Variants in SGCZ observed in about 807,000 individuals in gnomAD.
SGCZ encodes the protein zeta-sarcoglycan.
Under a neutral mutation model 41.3 loss-of-function variants are expected in SGCZ, and 40 were observed. The ratio of observed to expected loss-of-function variants is 0.97; its 90% CI spans 0.75 to 1.26. The LOEUF (loss-of-function observed/expected upper bound fraction) is 1.26. SGCZ is among the 50% of genes most tolerant of loss of function. The pLI, the probability that SGCZ is intolerant of heterozygous loss-of-function variation, is 0.00. For synonymous variants in SGCZ, 206 were observed against 137.5 expected, an observed-to-expected ratio of 1.50 and a Z score of -3.49; for missense variants, 552 against 369.8, an observed-to-expected ratio of 1.49 and a Z score of -4.04.
At chr8:14,263,336 G>A (rs1237637758) in intron 3 of SGCZ, among the ~76,000 whole-genome samples, 2 of 152,008 alleles carry the variant, frequency 1.3e-5, no homozygotes, top group Non-Finnish European at 2.9e-5. Flanking sequence ...ATCACTTGAG[G>A]CCAGGAGTTT....
At chr8:14,403,309 A>G (rs1585461033) in intron 2 of SGCZ, among the ~76,000 whole-genome samples, 1 of 150,440 alleles carries the variant, frequency 6.6e-6, no homozygotes, top group South Asian at 2.1e-4. Context: ...TGCCTGGGCC[A>G]GAACTTCCAA....
chr8:14,875,933 GTAA>G (rs1804341920), intron 1 of SGCZ, among the ~76,000 whole-genome samples: 1 of 152,092 alleles, frequency 6.6e-6, no homozygotes, highest in Non-Finnish European at 1.5e-5. Context: ...GAATAGCAGA[GTAA>G]TAAACTCTCT....
At chr8:15,207,521 T>C (rs563455690) in intron 1 of SGCZ, among the ~76,000 whole-genome samples, 2 of 152,220 alleles carry the variant, frequency 1.3e-5, no homozygotes, top group South Asian at 4.1e-4. Flanking sequence ...GGCAGAGAAG[T>C]GGAGCAGACT....
chr8:14,872,071 G>A (rs11785355), intron 1 of SGCZ, among the ~76,000 whole-genome samples: 41,527 of 151,656 alleles, frequency 0.27, 6,917 homozygotes, highest in East Asian at 0.57. Flanking sequence ...CACAGGAACA[G>A]AAAACCAAAC....
intron 1 of SGCZ, among the ~76,000 whole-genome samples, chr8:14,747,660 C>CATTATTATT (rs151163754): frequency 0.19 from 26,855 of 139,248 alleles, 2,754 homozygotes; most frequent in Non-Finnish European, 0.21. Context: ...GGGTACAAGG[C>CATTATTATT]ATTATTATTA....
At chr8:14,347,730 G>A (rs1020782393) in intron 2 of SGCZ, among the ~76,000 whole-genome samples, 4 of 151,548 alleles carry the variant, frequency 2.6e-5, no homozygotes, top group African/African-American at 7.3e-5. Flanking sequence ...CATATGTCAC[G>A]TATGTAATTC....
At chr8:14,363,673 A>T (rs1193945254) in intron 2 of SGCZ, among the ~76,000 whole-genome samples, 3 of 152,170 alleles carry the variant, frequency 2.0e-5, no homozygotes, top group Admixed American at 2.0e-4. Flanking sequence ...AGTTTTATTC[A>T]GTTAACAGTT....
intron 1 of SGCZ, among the ~76,000 whole-genome samples, chr8:15,059,091 T>C (rs1393870865): frequency 6.6e-6 from 1 of 152,176 alleles, no homozygotes; most frequent in African/African-American, 2.4e-5. Context: ...TAGATTAAAA[T>C]GTCTAAAGTT....
At chr8:14,683,216 C>G (rs901956945) in intron 1 of SGCZ, among the ~76,000 whole-genome samples, 3 of 152,078 alleles carry the variant, frequency 2.0e-5, no homozygotes, top group Admixed American at 2.0e-4. Context: ...AGGCAATAGA[C>G]TAATTTATAA....
chr8:14,703,333 CT>C (rs1437525607), intron 1 of SGCZ, among the ~76,000 whole-genome samples: 1 of 151,930 alleles, frequency 6.6e-6, no homozygotes, highest in Non-Finnish European at 1.5e-5. Context: ...ACAATTTTGC[CT>C]CAGGGTGTGT....
intron 3 of SGCZ, among the ~76,000 whole-genome samples, chr8:14,272,906 T>C (rs1412181749): frequency 6.6e-6 from 1 of 152,132 alleles, no homozygotes; most frequent in Admixed American, 6.6e-5. Flanking sequence ...TTGGGTTAAC[T>C]CTTAGATGGA....
chr8:14,181,651 C>T (rs1481517299), intron 4 of SGCZ, among the ~76,000 whole-genome samples: 3 of 152,294 alleles, frequency 2.0e-5, no homozygotes, highest in East Asian at 1.9e-4. Context: ...GAATGAGTCT[C>T]ACAAGATCTG....
chr8:15,196,381 G>T lies in SGCZ; in HGVS notation c.39+41204C>A, dbSNP rs1294938085. On this transcript the variant is annotated intron_variant, in intron 1 of 7. Transcript: ENST00000382080. ...AAAGCTCCCAAATGAAAACACCCCA[G>T]TGAAAAAGTGCAGGTATCAAAAGTC... 2.6e-5 allele frequency among the ~76,000 whole-genome samples: 4 copies of T among 152,150 alleles called. No homozygotes were observed. The East Asian group carries it at 7.7e-4, about 29-fold the overall frequency.
At chr8:14,581,831 C>A (rs527390199) in intron 1 of SGCZ, among the ~76,000 whole-genome samples, 1 of 152,124 alleles carries the variant, frequency 6.6e-6, no homozygotes, top group Non-Finnish European at 1.5e-5. Flanking sequence ...AAATAAAACT[C>A]TTTAATTAGT....
chr8:14,393,920 T>G (rs1043734469), intron 2 of SGCZ, among the ~76,000 whole-genome samples: 1 of 152,188 alleles, frequency 6.6e-6, no homozygotes, highest in Non-Finnish European at 1.5e-5. Context: ...TAAATTAGCT[T>G]TCAAATTTCT....
intron 1 of SGCZ, among the ~76,000 whole-genome samples, chr8:14,671,599 AAT>A (rs1218902574): frequency 6.6e-6 from 1 of 152,142 alleles, no homozygotes; most frequent in African/African-American, 2.4e-5. Flanking sequence ...AAAGGGCAAG[AAT>A]TAGAAAGAAT....
chr8:14,471,192 G>C (rs936372176), intron 2 of SGCZ, among the ~76,000 whole-genome samples: 2 of 152,016 alleles, frequency 1.3e-5, no homozygotes, highest in African/African-American at 4.8e-5. Flanking sequence ...TTTAATATTT[G>C]TCAAAACTAC....
intron 4 of SGCZ, among the ~76,000 whole-genome samples, chr8:14,197,995 T>C (rs1339860682): frequency 6.6e-6 from 1 of 152,212 alleles, no homozygotes; most frequent in Non-Finnish European, 1.5e-5. Flanking sequence ...ATTGTGTATC[T>C]TTACACTGGA....
intron 1 of SGCZ, among the ~76,000 whole-genome samples, chr8:14,722,810 G>T (rs924910296): frequency 2.0e-5 from 3 of 152,098 alleles, no homozygotes; most frequent in Non-Finnish European, 4.4e-5. Context: ...ATGCATACAT[G>T]TGCATGTGTT....
Sources: allele counts gnomAD v4.1 joint callset (sites outside exome capture counted in the v4.1 genomes callset), GRCh38; gene constraint gnomAD v4.1.1; transcripts MANE v1.5; gene names NCBI Gene and HGNC (gene_info 2026-07-23, HGNC 2026-07-21).